The following FER variants were observed in gnomAD, a reference collection of about 807,000 sequenced individuals.
FER encodes tyrosine-protein kinase Fer.
Under a neutral mutation model 111.0 loss-of-function variants are expected in FER, and 63 were observed. That is an observed-to-expected ratio of 0.57 (90% confidence interval 0.46 to 0.70). FER has a LOEUF of 0.70. Among genes scored for constraint, FER ranks in the 30% least tolerant of loss-of-function variants. FER has a pLI of 0.00. For synonymous variants in FER, 327 were observed against 313.9 expected (o/e 1.04, Z -0.44); for missense variants, 914 against 954.0 (o/e 0.96, Z 0.55).
chr5:108,747,951 T>A lies in FER; in HGVS notation c.-255T>A, dbSNP rs544021080. The stretch of plus-strand genomic sequence containing the variant: ...AGGACGCTTCAGAAACGGCCATCAC[T>A]GAAGAGCAGACCCGTTTGGGTTCTC... On this transcript the variant is annotated 5_prime_UTR_variant, in exon 1 of 20. Coordinates refer to ENST00000281092, the MANE Select transcript of FER (RefSeq NM_005246.4). 1 of 152,388 alleles carries A rather than the reference T, an allele frequency of 6.6e-6. No individual in the cohort carries two copies. Among genetic ancestry groups the A allele is most frequent in the South Asian group, 2.1e-4 (1 of 4,832 alleles). The allele number at this position is 152,388 out of a possible 1,614,324, so 9.4% of individuals were successfully genotyped here.
At chr5:108,971,384 A>C (rs913191513) in intron 13 of FER, among the ~76,000 whole-genome samples, 4 of 152,048 alleles carry the variant, frequency 2.6e-5, no homozygotes, top group African/African-American at 9.7e-5. Flanking sequence ...ACAGGCTTCT[A>C]ATGGCCTATG....
At chr5:109,060,861 G>A (rs76315271) in intron 16 of FER, among the ~76,000 whole-genome samples, 3,737 of 151,628 alleles carry the variant, frequency 0.025, 165 homozygotes, top group African/African-American at 0.086. Flanking sequence ...CTATGTGTTT[G>A]TGCTCATCAT....
chr5:108,913,184 C>T (rs9326754), intron 10 of FER, among the ~76,000 whole-genome samples: 11,049 of 152,100 alleles, frequency 0.073, 524 homozygotes, highest in Middle Eastern at 0.11. Context: ...TAATTATTTT[C>T]TATATAAACT....
intron 4 of FER, among the ~76,000 whole-genome samples, chr5:108,833,528 T>G (rs986716220): frequency 1.3e-5 from 2 of 151,806 alleles, no homozygotes; most frequent in Admixed American, 1.3e-4. Flanking sequence ...AAAGGTATCA[T>G]TTTATCCATA....
intron 1 of FER, among the ~76,000 whole-genome samples, chr5:108,760,936 T>C (rs1189646051): frequency 6.7e-6 from 1 of 148,636 alleles, no homozygotes; most frequent in Non-Finnish European, 1.5e-5. Context: ...TCTTTTCTTT[T>C]CTTTTTTTTT....
intron 10 of FER, among the ~76,000 whole-genome samples, chr5:108,923,130 C>T (rs1205645160): frequency 7.9e-5 from 12 of 151,758 alleles, no homozygotes; most frequent in Non-Finnish European, 1.0e-4. Context: ...TCTAAAATGC[C>T]GAGAAAATGC....
chr5:108,835,951 A>G (rs996403337), intron 5 of FER, 144 bp downstream of exon 5: 1 of 470,840 alleles, frequency 2.1e-6, no homozygotes, highest in Non-Finnish European at 3.8e-6. Flanking sequence ...GCTAATTGTC[A>G]AACAGTGTAG....
At chr5:108,940,182 A>G (rs1374849295) in intron 10 of FER, among the ~76,000 whole-genome samples, 1 of 152,138 alleles carries the variant, frequency 6.6e-6, no homozygotes, top group Non-Finnish European at 1.5e-5. Flanking sequence ...TTAACTGTGT[A>G]GTAATTGACT....
At chr5:108,924,360 C>CAAAAAAAAAAAAAAAAAAAAAA (rs59469649) in intron 10 of FER, among the ~76,000 whole-genome samples, 1 of 99,070 alleles carries the variant, frequency 1.0e-5, no homozygotes, top group African/African-American at 3.7e-5. Flanking sequence ...AACTCTGTCT[C>CAAAAAAAAAAAAAAAAAAAAAA]AAAAAAAAAA....
intron 13 of FER, among the ~76,000 whole-genome samples, chr5:108,982,271 C>G: frequency 6.6e-6 from 1 of 151,950 alleles, no homozygotes; most frequent in South Asian, 2.1e-4. Context: ...GTATCTGGAG[C>G]CTGTAAGTTA....
At chr5:108,899,490 G>C (rs1047489290) in intron 10 of FER, among the ~76,000 whole-genome samples, 12 of 152,016 alleles carry the variant, frequency 7.9e-5, no homozygotes, top group African/African-American at 2.9e-4. Context: ...TTACCATGAC[G>C]TTGTGGAATT....
At chr5:109,187,366 G>A in intron 19 of FER, 67 bp from the exon 20 acceptor site, 1 of 1,520,292 alleles carries the variant, frequency 6.6e-7, no homozygotes, top group South Asian at 1.2e-5. Flanking sequence ...ACTGCATAAT[G>A]CCCTGTGTGA....
rs188066363 is a variant in FER, at chr5:108,981,759, T to G, written c.1656+22412T>G. 8.9e-4 allele frequency among the ~76,000 whole-genome samples: 135 copies of G among 152,232 alleles called. 1 individual carries two copies. The highest frequency in any genetic ancestry group is 2.7e-3 in the African/African-American group (114 of 41,564). ...TTGAGGCACAGAGAAGTTACATAAT[T>G]TGTTCAAGACTGCATAACTATTAAG... On this transcript the variant is annotated intron_variant, in intron 13 of 19. Transcript: ENST00000281092.
At chr5:108,776,618 C>G (rs1753526529) in intron 2 of FER, among the ~76,000 whole-genome samples, 1 of 152,072 alleles carries the variant, frequency 6.6e-6, no homozygotes, top group African/African-American at 2.4e-5. Flanking sequence ...ATCTGTTTTA[C>G]ATTTTGCTTT....
intron 11 of FER, among the ~76,000 whole-genome samples, chr5:108,950,589 A>G (rs1284399069): frequency 6.6e-6 from 1 of 152,198 alleles, no homozygotes; most frequent in Non-Finnish European, 1.5e-5. Flanking sequence ...CTGAACACAA[A>G]TGATCCTGAG....
At chr5:109,168,434 GC>G (rs1451690946) in intron 17 of FER, among the ~76,000 whole-genome samples, 1 of 152,038 alleles carries the variant, frequency 6.6e-6, no homozygotes, top group Non-Finnish European at 1.5e-5. Flanking sequence ...GTGAAGGAGG[GC>G]TGAAAGTAAA....
rs1203295626 is a variant in FER, at chr5:109,194,576, T to G, written c.*7001T>G. 6.6e-6 allele frequency: 1 copy of G among 152,216 alleles called. No homozygotes were observed. Among genetic ancestry groups the G allele is most frequent in the Non-Finnish European group, 1.5e-5 (1 of 68,046 alleles). The allele number at this position is 152,216 out of a possible 1,614,324, so 9.4% of individuals were successfully genotyped here. ...AAAGAAGACAATAGAAATCCCACTT[T>G]ACCCCACTGTCATCAGTTAGAACAC... is the stretch of plus-strand genomic sequence containing the variant. On this transcript the variant is annotated 3_prime_UTR_variant, in exon 20 of 20. Coordinates refer to ENST00000281092, the MANE Select transcript of FER (RefSeq NM_005246.4).
At position 108,755,628 on chromosome 5, in the gene FER, G is replaced by A. The variant is rs936636472; in HGVS notation, c.-206+7628G>A. Among the ~76,000 whole-genome samples the A allele has an allele frequency of 2.6e-5, 4 of 152,018 alleles. No individual in the cohort carries two copies. The South Asian group carries it at 8.3e-4, about 32-fold the overall frequency. ...AGCCTCCCGAGTAGCTGGGATTACA[G>A]GCATGCACCACCACGCCCGGCTAAT... On this transcript the variant is annotated intron_variant, in intron 1 of 19. Transcript: ENST00000281092.
chr5:108,915,200 C>T (rs946402258), intron 10 of FER, among the ~76,000 whole-genome samples: 3 of 152,148 alleles, frequency 2.0e-5, no homozygotes, highest in Non-Finnish European at 2.9e-5. Context: ...TGGCCCGGCC[C>T]AGTGGCTCAT....
Sources: gnomAD v4.1 joint callset for allele counts (sites outside exome capture counted in the v4.1 genomes callset) on GRCh38, gnomAD v4.1.1 for gene constraint, MANE v1.5 for transcripts, NCBI Gene and HGNC (gene_info 2026-07-23, HGNC 2026-07-21) for gene names.